Variants in XYLT1 observed in about 807,000 individuals in gnomAD.
XYLT1 encodes xylosyltransferase 1, also known as beta-D-xylosyltransferase 1.
A neutral mutation model predicts 91.3 loss-of-function variants in XYLT1; 36 were observed. The ratio of observed to expected loss-of-function variants is 0.39; its 90% CI spans 0.30 to 0.52. The LOEUF is 0.52. Ranked by LOEUF, XYLT1 falls within the 20% of genes least tolerant of loss-of-function variation. XYLT1 has a pLI of 0.68. For missense variants in XYLT1, 1,242 were observed against 1,284.5 expected (o/e 0.97, Z 0.51); for synonymous variants, 588 against 532.0 (o/e 1.11, Z -1.45).
At chr16:17,203,339 C>A (rs902571573) in intron 3 of XYLT1, among the ~76,000 whole-genome samples, 4 of 152,092 alleles carry the variant, frequency 2.6e-5, no homozygotes, top group Non-Finnish European at 4.4e-5. Flanking sequence ...TCTTTTCATC[C>A]ATCCATCTAT....
chr16:17,191,615 T>G (rs1300875558), intron 5 of XYLT1, among the ~76,000 whole-genome samples: 1 of 152,178 alleles, frequency 6.6e-6, no homozygotes, highest in Non-Finnish European at 1.5e-5. Context: ...GCTCTGTTAG[T>G]CTGGGGGTTA....
intron 1 of XYLT1, among the ~76,000 whole-genome samples, chr16:17,417,407 C>A (rs1227259627): frequency 1.3e-5 from 2 of 152,128 alleles, no homozygotes; most frequent in East Asian, 3.9e-4. Flanking sequence ...TGCCCCAGGA[C>A]CTTGGCACAG....
chr16:17,293,223 C>T (rs1202102050), intron 2 of XYLT1, among the ~76,000 whole-genome samples: 1 of 152,136 alleles, frequency 6.6e-6, no homozygotes, highest in Non-Finnish European at 1.5e-5. Context: ...GGAGAGGTGA[C>T]TGCAGGACAG....
intron 2 of XYLT1, among the ~76,000 whole-genome samples, chr16:17,261,931 A>G (rs1011387975): frequency 9.3e-5 from 12 of 128,804 alleles, no homozygotes; most frequent in Non-Finnish European, 1.5e-4. Flanking sequence ...GATACCTACA[A>G]AAAAAATCCC....
At chr16:17,265,375 C>T (rs566389795) in intron 2 of XYLT1, among the ~76,000 whole-genome samples, 6 of 152,298 alleles carry the variant, frequency 3.9e-5, no homozygotes, top group East Asian at 1.9e-4. Flanking sequence ...GTTATTATTT[C>T]GCAATTGTGA....
At chr16:17,423,303 C>T (rs1483425876) in intron 1 of XYLT1, among the ~76,000 whole-genome samples, 2 of 148,874 alleles carry the variant, frequency 1.3e-5, no homozygotes, top group South Asian at 2.1e-4. Context: ...CCCCAAAACA[C>T]AGGATCAGCT....
chr16:17,446,201 A>G (rs1473546572), intron 1 of XYLT1: 1 of 152,264 alleles, frequency 6.6e-6, no homozygotes, highest in Non-Finnish European at 1.5e-5. Context: ...AAAGGTGTCC[A>G]GCTGAGGGAG....
At chr16:17,278,030 T>G (rs2034003956) in intron 2 of XYLT1, among the ~76,000 whole-genome samples, 1 of 152,176 alleles carries the variant, frequency 6.6e-6, no homozygotes, top group African/African-American at 2.4e-5. Context: ...CTGCCCCTCC[T>G]GCCATGATTG....
chr16:17,157,963 G>C (rs1452359108), intron 6 of XYLT1, among the ~76,000 whole-genome samples: 1 of 152,188 alleles, frequency 6.6e-6, no homozygotes, highest in Non-Finnish European at 1.5e-5. Flanking sequence ...TGGTCAGGCT[G>C]GTCTCAAACT....
At chr16:17,291,533 C>T (rs2034226456) in intron 2 of XYLT1, among the ~76,000 whole-genome samples, 2 of 152,126 alleles carry the variant, frequency 1.3e-5, no homozygotes, top group Non-Finnish European at 2.9e-5. Flanking sequence ...TGGGGTGGAA[C>T]ACACCCACCT....
intron 11 of XYLT1, among the ~76,000 whole-genome samples, chr16:17,114,725 T>C (rs1353779046): frequency 6.6e-6 from 1 of 152,234 alleles, no homozygotes; most frequent in Non-Finnish European, 1.5e-5. Context: ...TTTGAGTTTG[T>C]GATCTGTTAG....
intron 3 of XYLT1, among the ~76,000 whole-genome samples, chr16:17,238,986 T>C (rs113285126): frequency 0.026 from 3,972 of 152,284 alleles, 62 homozygotes; most frequent in Non-Finnish European, 0.033. Flanking sequence ...ACCAATCAGG[T>C]CCTCTAATGA....
At chr16:17,216,782 G>T (rs551214958) in intron 3 of XYLT1, among the ~76,000 whole-genome samples, 1 of 152,342 alleles carries the variant, frequency 6.6e-6, no homozygotes, top group Admixed American at 6.5e-5. Flanking sequence ...GAGCTAGGAT[G>T]TGAGTCCAAG....
At chr16:17,355,788 C>A (rs1168136800) in intron 2 of XYLT1, among the ~76,000 whole-genome samples, 1 of 152,120 alleles carries the variant, frequency 6.6e-6, no homozygotes, top group Non-Finnish European at 1.5e-5. Flanking sequence ...TGGCTCACTG[C>A]AGCCTCTACC....
intron 1 of XYLT1, among the ~76,000 whole-genome samples, chr16:17,468,264 G>C (rs2036926615): frequency 6.6e-6 from 1 of 152,016 alleles, no homozygotes; most frequent in Non-Finnish European, 1.5e-5. Flanking sequence ...GGTGTGGGGG[G>C]AGAGGAAAGA....
chr16:17,134,315 G>C (rs980189509), intron 9 of XYLT1, among the ~76,000 whole-genome samples, 158 bp downstream of exon 9: 6 of 152,168 alleles, frequency 3.9e-5, no homozygotes, highest in African/African-American at 1.4e-4. Context: ...CGCACGCTAG[G>C]AGGGTGGCGT....
At chr16:17,218,678 C>A (rs573336655) in intron 3 of XYLT1, among the ~76,000 whole-genome samples, 173 of 152,162 alleles carry the variant, frequency 1.1e-3, no homozygotes, top group Non-Finnish European at 2.2e-3. Context: ...ACTCCGGCCC[C>A]CATCTCCCTC....
chr16:17,304,675 G>C (rs2034446247), intron 2 of XYLT1, among the ~76,000 whole-genome samples: 1 of 151,788 alleles, frequency 6.6e-6, no homozygotes, highest in Non-Finnish European at 1.5e-5. Context: ...CCCACAAAAA[G>C]TCATGGGAAC....
intron 1 of XYLT1, among the ~76,000 whole-genome samples, chr16:17,435,107 T>A (rs1164198751): frequency 6.6e-6 from 1 of 152,210 alleles, no homozygotes. Flanking sequence ...GCCTGTAAGA[T>A]GCCTTCTGCG....
Sources: allele counts gnomAD v4.1 joint callset (sites outside exome capture counted in the v4.1 genomes callset), GRCh38; gene constraint gnomAD v4.1.1; transcripts MANE v1.5; gene names NCBI Gene and HGNC (gene_info 2026-07-23, HGNC 2026-07-21).